The following MRS2 variants were observed in gnomAD, a reference collection of about 807,000 sequenced individuals.
MRS2 encodes the protein magnesium transporter MRS2.
A neutral mutation model predicts 52.6 loss-of-function variants in MRS2; 40 were observed. The observed-to-expected ratio is 0.76, with a 90% confidence interval of 0.59 to 0.99. MRS2 has a LOEUF of 0.99. Among genes scored for constraint, MRS2 ranks in the 50% least tolerant of loss-of-function variants. MRS2 has a pLI of 0.00. For missense variants in MRS2, 472 were observed against 532.7 expected, an observed-to-expected ratio of 0.89 and a Z score of 1.12; for synonymous variants, 193 against 195.9, an observed-to-expected ratio of 0.98 and a Z score of 0.13.
rs534260291 is a variant in MRS2, at chr6:24,422,558, A to G, written c.1108-379A>G. ...CAACTTTAAAATATTCTGAGGTGCT[A>G]TCGTGCCCAGCATAGCACCAGACAT... On this transcript the variant is annotated intron_variant, in intron 9 of 10. Transcript: ENST00000378386. Among the ~76,000 whole-genome samples, 22 of 151,736 alleles carry G rather than the reference A, an allele frequency of 1.4e-4. No individual in the cohort carries two copies. In the East Asian group the frequency reaches 3.7e-3, roughly 25 times the overall value.
chr6:24,405,525 C>T (rs1005834921), intron 2 of MRS2, among the ~76,000 whole-genome samples: 4 of 151,708 alleles, frequency 2.6e-5, no homozygotes, highest in Admixed American at 6.6e-5. Context: ...CAAGATAATA[C>T]GCAGGCAGAA....
intron 7 of MRS2, among the ~76,000 whole-genome samples, chr6:24,416,935 T>C (rs1377541126): frequency 6.6e-6 from 1 of 152,240 alleles, no homozygotes; most frequent in Non-Finnish European, 1.5e-5. Context: ...CTTATAAACC[T>C]TTTATCTTTT....
chr6:24,412,500 C>A, intron 5 of MRS2, 105 bp downstream of exon 5: 2 of 799,522 alleles, frequency 2.5e-6, no homozygotes, highest in Non-Finnish European at 3.8e-6. Context: ...CCCCTGACCA[C>A]ATCCTGCCCC....
intron 3 of MRS2, among the ~76,000 whole-genome samples, chr6:24,409,099 G>A (rs1761568302): frequency 6.6e-6 from 1 of 152,186 alleles, no homozygotes; most frequent in Non-Finnish European, 1.5e-5. Context: ...TACTGAAGAT[G>A]ATGTTGTAGT....
chr6:24,423,606 C>T lies in MRS2; in HGVS notation c.1244C>T (p.Thr415Ile). ...TAGATGGCTTCTTTACCTAAAAAGA[C>T]TCTTCTGGCAGATAGAAGCATGGAA... ...PPMMASLPKK[T>I]LLADRSMELK... The change falls in exon 11 of 11, where the codon ACT becomes ATT. Residue 415 changes from threonine (T) to isoleucine (I), a missense_variant. Coordinates refer to ENST00000378386, the MANE Select transcript of MRS2 (RefSeq NM_020662.4). The T allele has an allele frequency of 3.1e-6, 5 of 1,606,988 alleles. No individual in the cohort carries two copies. The highest frequency in any genetic ancestry group is 1.3e-5 in the African/African-American group (1 of 74,768).
Position 24,416,514 on chromosome 6 carries a change from G to T in MRS2, c.836+1G>T, listed in dbSNP as rs188837598. On this transcript the variant is annotated splice_donor_variant, in intron 7 of 10. Coordinates refer to ENST00000378386, the MANE Select transcript of MRS2 (RefSeq NM_020662.4). LOFTEE classifies it high-confidence loss of function. ...CAAAATGGAGTGACCCACAAGTCTT[G>T]TAAGTATATAATTATACTTTGTTAT... 9 of 1,383,682 alleles carry T rather than the reference G, an allele frequency of 6.5e-6. No homozygotes were observed. The highest frequency in any genetic ancestry group is 9.2e-6 in the Non-Finnish European group (9 of 976,322). 85.7% of individuals were successfully genotyped at this position (1,383,682 alleles called of 1,614,324 possible).
At chr6:24,417,771 A>G (rs2753924) in intron 7 of MRS2, among the ~76,000 whole-genome samples, 150,435 of 152,106 alleles carry the variant, frequency 0.99, 74,415 homozygotes, top group East Asian at 1. Flanking sequence ...GTGAAACCCC[A>G]TCTCTACTAA....
chr6:24,423,350 T>C, intron 10 of MRS2: 2 of 488,106 alleles, frequency 4.1e-6, no homozygotes, highest in Non-Finnish European at 3.6e-6. Flanking sequence ...GTAATTCTGG[T>C]ATAAGGTTTG....
chr6:24,408,535 T>A, intron 3 of MRS2, 91 bp downstream of exon 3: 1 of 924,676 alleles, frequency 1.1e-6, no homozygotes, highest in Non-Finnish European at 1.8e-6. Flanking sequence ...AGTAAAATAT[T>A]CTTTGCATAT....
chr6:24,409,397 T>C, intron 3 of MRS2, 64 bp from the exon 4 acceptor site: 2 of 1,004,336 alleles, frequency 2.0e-6, no homozygotes, highest in Non-Finnish European at 3.0e-6. Context: ...AGGACTGCTC[T>C]GATGGAAAAA....
chr6:24,418,337 A>G (rs1443625281), intron 8 of MRS2, 101 bp downstream of exon 8: 6 of 1,506,330 alleles, frequency 4.0e-6, no homozygotes, highest in Admixed American at 2.3e-5. Context: ...ATTATCATCT[A>G]TACTACATTA....
intron 7 of MRS2, among the ~76,000 whole-genome samples, 173 bp downstream of exon 7, chr6:24,416,686 T>G (rs1364369642): frequency 6.6e-6 from 1 of 152,210 alleles, no homozygotes; most frequent in African/African-American, 2.4e-5. Flanking sequence ...TAATTCAATG[T>G]AATTCTATGA....
intron 1 of MRS2, 109 bp downstream of exon 1, chr6:24,403,345 G>C: frequency 2.7e-6 from 3 of 1,110,882 alleles, no homozygotes; most frequent in Non-Finnish European, 3.7e-6. Context: ...CCCTCCGCAG[G>C]CCTCGGCCTC....
intron 4 of MRS2, among the ~76,000 whole-genome samples, chr6:24,410,021 C>T (rs888733742): frequency 3.1e-4 from 47 of 152,026 alleles, no homozygotes; most frequent in African/African-American, 1.1e-3. Context: ...TGGAGTTTTG[C>T]TCTTGTTGCC....
intron 9 of MRS2, among the ~76,000 whole-genome samples, chr6:24,420,226 A>G (rs1333669377): frequency 2.0e-5 from 3 of 152,000 alleles, no homozygotes; most frequent in Non-Finnish European, 4.4e-5. Flanking sequence ...TTGCTTAGTT[A>G]CTTCCTCCTC....
intron 2 of MRS2, among the ~76,000 whole-genome samples, chr6:24,406,875 CTG>C (rs1419676054): frequency 6.6e-6 from 1 of 152,096 alleles, no homozygotes; most frequent in East Asian, 1.9e-4. Flanking sequence ...GCTATGGAAT[CTG>C]AGAAAGAAAA....
Position 24,403,055 on chromosome 6 carries a change from C to G in MRS2, c.9C>G (p.Cys3Trp), listed in dbSNP as rs762048873. ...CTTCTTGCTCCAGCACCATGGAATGCCTGCGCAGTTTACCCTGCCTCCTGC... is the reference window on the plus strand; with the variant it reads ...CTTCTTGCTCCAGCACCATGGAATGGCTGCGCAGTTTACCCTGCCTCCTGC... Reference protein sequence around the residue: MECLRSLPCLLPR... With the variant: MEWLRSLPCLLPR... Residue 3 changes from cysteine (C) to tryptophan (W), a missense_variant, in exon 1 of 11, where the codon TGC becomes TGG. By Grantham distance (215) the Cys-to-Trp change is radical. Transcript: ENST00000378386. The G allele has an allele frequency of 6.2e-7, 1 of 1,605,536 alleles. No homozygotes were observed. The highest frequency in any genetic ancestry group is 8.5e-7 in the Non-Finnish European group (1 of 1,177,028).
In MRS2 at chr6:24,423,705, G is replaced by T. The variant is rs751352630; in HGVS notation, c.*11G>T. The T allele has an allele frequency of 6.2e-6, 9 of 1,443,724 alleles. No individual in the cohort carries two copies. The South Asian group carries it at 8.7e-5, about 14-fold the overall frequency. 89.4% of individuals were successfully genotyped at this position (1,443,724 alleles called of 1,614,324 possible). A position where few individuals can be genotyped will look rare whatever the true frequency, so the allele number is the denominator to read the frequency against. On this transcript the variant is annotated 3_prime_UTR_variant, in exon 11 of 11. Coordinates refer to ENST00000378386, the MANE Select transcript of MRS2 (RefSeq NM_020662.4). ...CTAACAAACCGTTAGGAACAGCCCCGTGGATACTGAAGTTTTTTTTATGGT... is the reference window on the plus strand; with the variant it reads ...CTAACAAACCGTTAGGAACAGCCCCTTGGATACTGAAGTTTTTTTTATGGT...
chr6:24,403,150 C>A lies in MRS2; in HGVS notation c.104C>A (p.Pro35His). ...TTGGACGTGACCTCTGTGGGTCCTC[C>A]CGTTGCTGCCTGCGGCCGCCGAGCC... ...LALDVTSVGPPVAACGRRANL... is the reference protein window; with the variant it reads ...LALDVTSVGPHVAACGRRANL... The change falls in exon 1 of 11, where the codon CCC becomes CAC. Residue 35 changes from proline to histidine, a missense_variant. By Grantham distance (77) the Pro-to-His change is moderately conservative. Coordinates refer to ENST00000378386, the MANE Select transcript of MRS2 (RefSeq NM_020662.4). 1 of 1,610,722 alleles carries A rather than the reference C, an allele frequency of 6.2e-7. No homozygotes were observed. Among genetic ancestry groups the A allele is most frequent in the Non-Finnish European group, 8.5e-7 (1 of 1,179,914 alleles).
Sources: allele counts gnomAD v4.1 joint callset (sites outside exome capture counted in the v4.1 genomes callset), GRCh38; gene constraint gnomAD v4.1.1; transcripts MANE v1.5; gene names NCBI Gene and HGNC (gene_info 2026-07-23, HGNC 2026-07-21).